Variants in TET3 observed in about 807,000 individuals in gnomAD.
TET3 encodes the protein tet methylcytosine dioxygenase 3.
Under a neutral mutation model 141.4 loss-of-function variants are expected in TET3, and 19 were observed. The ratio of observed to expected loss-of-function variants is 0.13; its 90% CI spans 0.09 to 0.20. The LOEUF is 0.20. Among genes scored for constraint, TET3 ranks in the 10% least tolerant of loss-of-function variants. The probability of loss-of-function intolerance (pLI) is 1.00; values close to 1 mark genes in which losing one functional copy is unlikely to be tolerated. For missense variants in TET3, 1,874 were observed against 2,356.9 expected, an observed-to-expected ratio of 0.80 and a Z score of 4.24; for synonymous variants, 1,043 against 980.9, an observed-to-expected ratio of 1.06 and a Z score of -1.18.
At chr2:74,032,440 GGGGTGTGTCTCTGT>G (rs1478534785) in intron 3 of TET3, among the ~76,000 whole-genome samples, 1 of 138,510 alleles carries the variant, frequency 7.2e-6, no homozygotes, top group African/African-American at 3.2e-5. Flanking sequence ...GGCTGCAAGA[GGGGTGTGTCTCTGT>G]GTGTGTGTGT....
chr2:74,091,210 A>G (rs930061935), intron 8 of TET3, among the ~76,000 whole-genome samples: 1 of 152,200 alleles, frequency 6.6e-6, no homozygotes, highest in East Asian at 1.9e-4. Flanking sequence ...CCTTACAAGC[A>G]GCAGATGTGG....
intron 3 of TET3, among the ~76,000 whole-genome samples, chr2:74,012,828 C>A (rs979618858): frequency 1.3e-5 from 2 of 151,818 alleles, no homozygotes; most frequent in South Asian, 4.1e-4. Flanking sequence ...TCTTCTATAT[C>A]ATGTTGAAGA....
At chr2:74,127,370 A>G in the TET3 span, among the ~76,000 whole-genome samples, 11 of 152,198 alleles carry the variant, frequency 7.2e-5, no homozygotes, top group Admixed American at 6.5e-4. Context: ...GGCTTTATTG[A>G]CATGATGTTA....
At chr2:74,017,879 C>A (rs192419665) in intron 3 of TET3, among the ~76,000 whole-genome samples, 40 of 152,032 alleles carry the variant, frequency 2.6e-4, no homozygotes, top group African/African-American at 9.4e-4. Flanking sequence ...GTTCCCCTTT[C>A]TCCGCATCCT....
At chr2:74,021,673 A>G (rs1686052451) in intron 3 of TET3, among the ~76,000 whole-genome samples, 1 of 152,222 alleles carries the variant, frequency 6.6e-6, no homozygotes, top group Admixed American at 6.5e-5. Flanking sequence ...ATGGTCAGGC[A>G]GCGTTGATCT....
chr2:74,016,790 T>TC (rs1685751926), intron 3 of TET3, among the ~76,000 whole-genome samples: 1 of 146,192 alleles, frequency 6.8e-6, no homozygotes, highest in Non-Finnish European at 1.5e-5. Flanking sequence ...TCTCCTGTCT[T>TC]TTTTTTTTTT....
chr2:74,053,025 CAT>C (rs1558750912), intron 4 of TET3, among the ~76,000 whole-genome samples: 3 of 152,232 alleles, frequency 2.0e-5, no homozygotes, highest in Admixed American at 1.3e-4. Flanking sequence ...GAATGGGACT[CAT>C]ATGGATTTTT....
In TET3 at chr2:74,006,741, T is replaced by C. The variant is rs377299338; in HGVS notation, c.360+3575T>C. ...TTGGCTCAGCTTTTGGGTCTCACAA[T>C]CCTCTTAAGTCCTCTTTCCTACCCT... On this transcript the variant is annotated intron_variant, in intron 3 of 11. Coordinates refer to ENST00000409262, the MANE Select transcript of TET3 (RefSeq NM_001287491.2). 1.4e-4 allele frequency among the ~76,000 whole-genome samples: 22 copies of C among 152,306 alleles called. No homozygotes were observed. The East Asian group carries it at 3.7e-3, about 25-fold the overall frequency.
At chr2:74,099,134 C>T (rs751901882) in intron 10 of TET3, 142 bp from the exon 11 acceptor site, 132 of 753,222 alleles carry the variant, frequency 1.8e-4, no homozygotes, top group Non-Finnish European at 2.5e-4. Context: ...ATGTGCTTTC[C>T]ACAAACTCTT....
chr2:74,099,195 G>A, intron 10 of TET3, 81 bp from the exon 11 acceptor site: 3 of 1,258,350 alleles, frequency 2.4e-6, no homozygotes, highest in South Asian at 2.9e-5. Context: ...ATGAGGTCAT[G>A]TGTTTTGGGT....
At chr2:74,072,112 C>T (rs186624383) in intron 4 of TET3, among the ~76,000 whole-genome samples, 127 of 152,308 alleles carry the variant, frequency 8.3e-4, no homozygotes, top group Non-Finnish European at 1.4e-3. Context: ...CAGCCTCTGG[C>T]AACAACCACC....
intron 4 of TET3, among the ~76,000 whole-genome samples, chr2:74,069,560 C>T (rs1302471254): frequency 6.6e-6 from 1 of 151,560 alleles, no homozygotes; most frequent in Non-Finnish European, 1.5e-5. Flanking sequence ...TTCTAGCCCC[C>T]CAGGAGTCAC....
Position 74,003,019 on chromosome 2 carries a change from C to G in TET3, c.304-91C>G, listed in dbSNP as rs984194326. ...GTATCCCCTCCCGTTCGCCTTCTTC[C>G]CCTCCGGCCGGGCTGGGGGCTGTAG... is the stretch of plus-strand genomic sequence containing the variant. On this transcript the variant is annotated intron_variant, in intron 2 of 11. Coordinates refer to ENST00000409262, the MANE Select transcript of TET3 (RefSeq NM_001287491.2). The G allele has an allele frequency of 3.5e-6, 5 of 1,426,988 alleles. No individual in the cohort carries two copies. In the Admixed American group the frequency reaches 7.9e-5, roughly 23 times the overall value. 88.4% of individuals were successfully genotyped at this position (1,426,988 alleles called of 1,614,324 possible). A position where few individuals can be genotyped will look rare whatever the true frequency, so the allele number is the denominator to read the frequency against.
chr2:74,089,811 A>C (rs1308789714), intron 7 of TET3, 86 bp from the exon 8 acceptor site: 3 of 1,543,390 alleles, frequency 1.9e-6, no homozygotes, highest in Non-Finnish European at 2.6e-6. Flanking sequence ...GCCAGGGCTC[A>C]GCAGGGCCAC....
At chr2:74,088,811 T>G (rs1690309399) in intron 7 of TET3, among the ~76,000 whole-genome samples, 1 of 152,166 alleles carries the variant, frequency 6.6e-6, no homozygotes. Context: ...CTGGGCATGG[T>G]GGCTCATGCC....
Position 73,986,661 on chromosome 2 carries a change from G to A in TET3, c.258G>A (p.Leu86=). Residue 86 remains leucine, a synonymous_variant, in exon 2 of 12, where the codon CTG becomes CTA. Coordinates refer to ENST00000409262, the MANE Select transcript of TET3 (RefSeq NM_001287491.2). The stretch of plus-strand genomic sequence containing the variant: ...GCCGCACGCACCAGATCTGCAAACT[G>A]CGAAAATGTGAGGTGCTGAAGAAAA... ...TNRRTHQICK[L]RKCEVLKKKV... is the part of the protein sequence containing the mutation. 8.1e-7 allele frequency: 1 copy of A among 1,232,114 alleles called. No homozygotes were observed. Among genetic ancestry groups the A allele is most frequent in the Non-Finnish European group, 1.0e-6 (1 of 987,988 alleles). 76.3% of individuals were successfully genotyped at this position (1,232,114 alleles called of 1,614,324 possible).
chr2:74,109,698 C>G (rs563899942), downstream of TET3, among the ~76,000 whole-genome samples: 1 of 152,318 alleles, frequency 6.6e-6, no homozygotes, highest in South Asian at 2.1e-4. Flanking sequence ...GGTCCAGGCC[C>G]TGTCCACCAC....
chr2:74,028,997 C>G (rs957861005), intron 3 of TET3, among the ~76,000 whole-genome samples: 1 of 152,168 alleles, frequency 6.6e-6, no homozygotes, highest in Non-Finnish European at 1.5e-5. Flanking sequence ...CTGGGCATGT[C>G]TTCAACCAGT....
chr2:74,025,163 G>A (rs1371888463), intron 3 of TET3, among the ~76,000 whole-genome samples: 3 of 146,568 alleles, frequency 2.0e-5, no homozygotes, highest in Non-Finnish European at 4.5e-5. Flanking sequence ...GGCGGAGCTT[G>A]CAGTGAGCCG....
Sources: allele counts gnomAD v4.1 joint callset (sites outside exome capture counted in the v4.1 genomes callset), GRCh38; gene constraint gnomAD v4.1.1; transcripts MANE v1.5; gene names NCBI Gene and HGNC (gene_info 2026-07-23, HGNC 2026-07-21).